RGS9: variants seen among roughly 807,000 people sequenced by gnomAD.
The protein encoded by RGS9 is regulator of G protein signaling 9, also known as regulator of G-protein signalling 9.
RGS9 carries 78 observed loss-of-function variants against 102.0 expected under a neutral mutation model. That is an observed-to-expected ratio of 0.76 (90% CI 0.64 to 0.92). The LOEUF (loss-of-function observed/expected upper bound fraction) is 0.92. RGS9 is among the 40% of genes least tolerant of loss of function. The pLI is 0.00. For synonymous variants in RGS9, 353 were observed against 318.6 expected, an observed-to-expected ratio of 1.11 and a Z score of -1.15; for missense variants, 833 against 866.1, an observed-to-expected ratio of 0.96 and a Z score of 0.48.
chr17:65,153,876 C>T (rs929947365), intron 2 of RGS9, among the ~76,000 whole-genome samples: 3 of 152,114 alleles, frequency 2.0e-5, no homozygotes, highest in African/African-American at 2.4e-5. Context: ...GGCGACAGAG[C>T]GAGACTCCGT....
rs762032792 is a variant in RGS9 at position 65,203,362 on chromosome 17, TAC to T, written c.1065-795_1065-794del. On this transcript the variant is annotated intron_variant, in intron 14 of 18. Transcript: ENST00000262406. Reference sequence around the variant, plus strand: ...CAGTACAATGGGTGCCTGATTGCCTTACACACAGTGACGCACACACAACTCCT... The same window carrying T: ...CAGTACAATGGGTGCCTGATTGCCTTACACAGTGACGCACACACAACTCCT... 1.1e-4 allele frequency among the ~76,000 whole-genome samples: 16 copies of T among 152,234 alleles called. No individual in the cohort carries two copies. In the East Asian group the frequency reaches 1.2e-3, roughly 11 times the overall value.
intron 7 of RGS9, among the ~76,000 whole-genome samples, chr17:65,165,370 G>C (rs779160982): frequency 6.6e-6 from 1 of 152,154 alleles, no homozygotes; most frequent in African/African-American, 2.4e-5. Flanking sequence ...TGCTCCATTT[G>C]AGATGGCTTT....
At chr17:65,212,869 G>A (rs943045905) in intron 17 of RGS9, among the ~76,000 whole-genome samples, 8 of 152,208 alleles carry the variant, frequency 5.3e-5, no homozygotes, top group Non-Finnish European at 8.8e-5. Flanking sequence ...TGGGTGACAC[G>A]AGAGGAGGGA....
intron 17 of RGS9, among the ~76,000 whole-genome samples, chr17:65,222,449 T>A (rs1428305095): frequency 1.3e-5 from 2 of 152,212 alleles, no homozygotes; most frequent in Non-Finnish European, 2.9e-5. Context: ...GTGGGAATCC[T>A]ACATGCCACA....
intron 9 of RGS9, among the ~76,000 whole-genome samples, chr17:65,183,107 TCTAC>T (rs764599024): frequency 0.039 from 4,720 of 120,276 alleles, 239 homozygotes; most frequent in East Asian, 0.19. Flanking sequence ...TATCTATCTA[TCTAC>T]CTACCTACCT....
At chr17:65,153,325 T>C (rs547737773) in intron 1 of RGS9, 97 bp from the exon 2 acceptor site, 2 of 1,029,054 alleles carry the variant, frequency 1.9e-6, no homozygotes, top group African/African-American at 1.6e-5. Flanking sequence ...TGTGTCCACC[T>C]TTGCATTTTG....
intron 1 of RGS9, among the ~76,000 whole-genome samples, chr17:65,145,864 G>A (rs1452443588): frequency 1.4e-5 from 2 of 141,888 alleles, no homozygotes; most frequent in Non-Finnish European, 1.5e-5. Flanking sequence ...TTTGTACGGG[G>A]AAAGGTCTGA....
At chr17:65,186,079 AC>A (rs1215713571) in intron 9 of RGS9, among the ~76,000 whole-genome samples, 1 of 144,336 alleles carries the variant, frequency 6.9e-6, no homozygotes, top group African/African-American at 2.8e-5. Flanking sequence ...ACGATTCTGC[AC>A]CATCATGAGT....
intron 2 of RGS9, 29 bp from the exon 3 acceptor site, chr17:65,158,266 A>C (rs778569068): frequency 3.7e-6 from 6 of 1,612,626 alleles, no homozygotes; most frequent in Non-Finnish European, 4.2e-6. Context: ...AGGCTATGAC[A>C]ATAACCGCAA....
At chr17:65,190,720 T>C (rs1057182540) in intron 11 of RGS9, among the ~76,000 whole-genome samples, 5 of 152,230 alleles carry the variant, frequency 3.3e-5, no homozygotes, top group Non-Finnish European at 5.9e-5. Flanking sequence ...CTGGCTACCT[T>C]GACCCAGCCC....
intron 1 of RGS9, among the ~76,000 whole-genome samples, chr17:65,144,357 G>A (rs1910273215): frequency 1.3e-5 from 2 of 152,174 alleles, no homozygotes; most frequent in East Asian, 3.9e-4. Flanking sequence ...TGGGCGTGGT[G>A]GGTGGGATGT....
At chr17:65,162,898 G>C (rs1343379041) in intron 6 of RGS9, 115 bp from the exon 7 acceptor site, 4 of 695,152 alleles carry the variant, frequency 5.8e-6, no homozygotes, top group African/African-American at 3.6e-5. Context: ...CATCGGGCTG[G>C]GTCCATGGTT....
chr17:65,153,588 G>A (rs1910662742), intron 2 of RGS9, 70 bp downstream of exon 2: 1 of 1,308,308 alleles, frequency 7.6e-7, no homozygotes, highest in Non-Finnish European at 1.1e-6. Context: ...CACCTCCTGT[G>A]TTTGTAAAAA....
rs1909961171 is a variant in RGS9 at position 65,137,679 on chromosome 17, A to G, written c.57+82A>G. On this transcript the variant is annotated intron_variant, in intron 1 of 18. Coordinates refer to ENST00000262406, the MANE Select transcript of RGS9 (RefSeq NM_003835.4). Reference sequence around the variant, plus strand: ...AGCGTCCGAGGACAAGAGGGGCAGGAGTGGAGAGCACCCCTTTGGGTCGAT... The same window carrying G: ...AGCGTCCGAGGACAAGAGGGGCAGGGGTGGAGAGCACCCCTTTGGGTCGAT... 2.9e-6 allele frequency: 4 copies of G among 1,375,306 alleles called. No homozygotes were observed. The African/African-American group carries it at 4.3e-5, about 15-fold the overall frequency. The allele number at this position is 1,375,306 out of a possible 1,614,324, so 85.2% of individuals were successfully genotyped here. A position where few individuals can be genotyped will look rare whatever the true frequency, so the allele number is the denominator to read the frequency against.
intron 8 of RGS9, among the ~76,000 whole-genome samples, chr17:65,172,315 T>G (rs963103284): frequency 3.3e-5 from 5 of 152,168 alleles, no homozygotes; most frequent in African/African-American, 1.2e-4. Context: ...GCAATTCTCC[T>G]GAATCAGCCT....
chr17:65,172,474 G>A (rs1342287351), intron 8 of RGS9, among the ~76,000 whole-genome samples: 7 of 152,126 alleles, frequency 4.6e-5, no homozygotes. Context: ...TTCCAGGCAT[G>A]AGCCACTGTG....
At chr17:65,196,848 C>T (rs1912607128) in intron 12 of RGS9, among the ~76,000 whole-genome samples, 1 of 152,234 alleles carries the variant, frequency 6.6e-6, no homozygotes, top group African/African-American at 2.4e-5. Context: ...ATTCGTTTGT[C>T]CTTAAGGTTA....
intron 13 of RGS9, among the ~76,000 whole-genome samples, chr17:65,199,032 T>G (rs1912713388): frequency 6.6e-6 from 1 of 152,220 alleles, no homozygotes; most frequent in South Asian, 2.1e-4. Flanking sequence ...AAGATTTCCC[T>G]GCATTATTTA....
Position 65,198,961 on chromosome 17 carries a change from C to T in RGS9, c.976+1720C>T, listed in dbSNP as rs541349820. ...ATAGTGCCATCTAGTGGCAAAGTGA[C>T]AACATACACCCTGAATTTATTATCT... On this transcript the variant is annotated intron_variant, in intron 13 of 18. Coordinates refer to ENST00000262406, the MANE Select transcript of RGS9 (RefSeq NM_003835.4). Among the ~76,000 whole-genome samples the T allele has an allele frequency of 4.6e-5, 7 of 152,268 alleles. No individual in the cohort carries two copies. In the South Asian group the frequency reaches 1.2e-3, roughly 27 times the overall value.
Sources: allele counts gnomAD v4.1 joint callset (sites outside exome capture counted in the v4.1 genomes callset), GRCh38; gene constraint gnomAD v4.1.1; transcripts MANE v1.5; gene names NCBI Gene and HGNC (gene_info 2026-07-23, HGNC 2026-07-21).